SPAG16: variants seen among roughly 807,000 people sequenced by gnomAD.
SPAG16 encodes sperm associated antigen 16.
In SPAG16, 86 loss-of-function variants were observed where a neutral mutation model predicts 80.4. The ratio of observed to expected loss-of-function variants is 1.07; its 90% CI spans 0.90 to 1.28. SPAG16 has a LOEUF of 1.28. Among genes scored for constraint, SPAG16 ranks in the 50% most tolerant of loss-of-function variants. The probability of loss-of-function intolerance (pLI) is 0.00; values close to 1 mark genes in which losing one functional copy is unlikely to be tolerated. For synonymous variants in SPAG16, 294 were observed against 265.9 expected, an observed-to-expected ratio of 1.11 and a Z score of -1.03; for missense variants, 870 against 765.3, an observed-to-expected ratio of 1.14 and a Z score of -1.61.
At chr2:213,466,646 C>T (rs1431449064) in intron 9 of SPAG16, among the ~76,000 whole-genome samples, 1 of 152,198 alleles carries the variant, frequency 6.6e-6, no homozygotes, top group Non-Finnish European at 1.5e-5. Flanking sequence ...TGAAGTCTGA[C>T]AGAGCTGAGT....
At chr2:213,433,635 G>C (rs1216307146) in intron 9 of SPAG16, among the ~76,000 whole-genome samples, 2 of 152,078 alleles carry the variant, frequency 1.3e-5, no homozygotes, top group African/African-American at 4.8e-5. Context: ...CCATGCTCAT[G>C]GAGTGGAAAA....
Position 214,035,226 on chromosome 2 carries a change from AT to A in SPAG16, c.1527+21151del, listed in dbSNP as rs547450445. Among the ~76,000 whole-genome samples the A allele has an allele frequency of 6.7e-3, 1,020 of 152,146 alleles. 10 individuals are homozygous for A. The highest frequency in any genetic ancestry group is 0.012 in the Non-Finnish European group (837 of 67,976). ...CTCAGAGGGGAGGAAGTGCACACTGATTAATCTATGAGCAGCCTGAATAAAG... is the reference window on the plus strand; with the variant it reads ...CTCAGAGGGGAGGAAGTGCACACTGATAATCTATGAGCAGCCTGAATAAAG... On this transcript the variant is annotated intron_variant, in intron 13 of 15. Coordinates refer to ENST00000331683, the MANE Select transcript of SPAG16 (RefSeq NM_024532.5).
intron 15 of SPAG16, among the ~76,000 whole-genome samples, chr2:214,387,062 T>A (rs1361771406): frequency 6.6e-6 from 1 of 152,154 alleles, no homozygotes; most frequent in African/African-American, 2.4e-5. Context: ...TACTTCCTTC[T>A]ACCCAGATTG....
At chr2:214,207,805 G>T (rs1223451082) in intron 15 of SPAG16, among the ~76,000 whole-genome samples, 1 of 152,186 alleles carries the variant, frequency 6.6e-6, no homozygotes, top group Non-Finnish European at 1.5e-5. Context: ...AGAGAAGAAG[G>T]TATGACAAGC....
intron 10 of SPAG16, among the ~76,000 whole-genome samples, chr2:213,727,392 G>T (rs766834221): frequency 6.6e-6 from 1 of 152,102 alleles, no homozygotes; most frequent in Admixed American, 6.5e-5. Flanking sequence ...AATCAATGGA[G>T]TGTGACAGGA....
At chr2:213,391,138 C>T (rs1021942133) in intron 9 of SPAG16, among the ~76,000 whole-genome samples, 4 of 151,990 alleles carry the variant, frequency 2.6e-5, no homozygotes, top group South Asian at 2.1e-4. Flanking sequence ...CATGGTGGCA[C>T]GTGCCTGTAA....
At chr2:214,217,866 G>A (rs2058470512) in intron 15 of SPAG16, among the ~76,000 whole-genome samples, 1 of 152,188 alleles carries the variant, frequency 6.6e-6, no homozygotes, top group African/African-American at 2.4e-5. Context: ...AAGTGCTTTT[G>A]TAGCTGCTTC....
rs146536042 is a variant in SPAG16 at position 213,466,936 on chromosome 2, A to G, written c.943-23027A>G. ...AAACAAATATTGAGAGGCAGGGTAT[A>G]GTGGTATGTAGAAAAAGGCATTCTT... On this transcript the variant is annotated intron_variant, in intron 9 of 15. Transcript: ENST00000331683. Among the ~76,000 whole-genome samples, 20 of 152,278 alleles carry G rather than the reference A, an allele frequency of 1.3e-4. No homozygotes were observed. In the East Asian group the frequency reaches 1.9e-3, roughly 15 times the overall value.
At chr2:213,668,671 G>C (rs143642366) in intron 10 of SPAG16, among the ~76,000 whole-genome samples, 7 of 151,972 alleles carry the variant, frequency 4.6e-5, no homozygotes, top group African/African-American at 1.4e-4. Flanking sequence ...ATGGAGTCTT[G>C]CTCTGTCACC....
At chr2:214,253,224 T>G (rs572349117) in intron 15 of SPAG16, among the ~76,000 whole-genome samples, 22 of 152,096 alleles carry the variant, frequency 1.4e-4, no homozygotes, top group African/African-American at 5.3e-4. Context: ...AATGGGTAGA[T>G]TGAAAAAATA....
chr2:214,335,754 T>C (rs1237930089), intron 15 of SPAG16, among the ~76,000 whole-genome samples: 1 of 109,542 alleles, frequency 9.1e-6, no homozygotes, highest in African/African-American at 3.0e-5. Flanking sequence ...TTATTAGGAT[T>C]CTTTTTTTTT....
chr2:213,576,424 A>G (rs1429053614), intron 10 of SPAG16, among the ~76,000 whole-genome samples: 1 of 152,126 alleles, frequency 6.6e-6, no homozygotes, highest in African/African-American at 2.4e-5. Context: ...GCAACTCCTT[A>G]AAGACCTAAG....
At chr2:213,786,928 G>A (rs947927442) in intron 10 of SPAG16, among the ~76,000 whole-genome samples, 10 of 151,952 alleles carry the variant, frequency 6.6e-5, no homozygotes, top group African/African-American at 2.4e-4. Context: ...AATTTCATGT[G>A]GAAAGTGATA....
intron 10 of SPAG16, among the ~76,000 whole-genome samples, chr2:213,821,746 T>C (rs1469591417): frequency 6.6e-6 from 1 of 152,180 alleles, no homozygotes; most frequent in Non-Finnish European, 1.5e-5. Context: ...TTCTACTATC[T>C]GTCTACAAGA....
chr2:213,298,950 T>C (rs553396719), intron 3 of SPAG16, among the ~76,000 whole-genome samples: 2 of 152,346 alleles, frequency 1.3e-5, no homozygotes, highest in South Asian at 4.1e-4. Flanking sequence ...ATATTAGTTA[T>C]ATTTTTTAAT....
chr2:213,774,548 T>G (rs2069453088), intron 10 of SPAG16, among the ~76,000 whole-genome samples: 1 of 152,224 alleles, frequency 6.6e-6, no homozygotes, highest in African/African-American at 2.4e-5. Flanking sequence ...ATGGTGTTAT[T>G]TCCAAATAAG....
chr2:214,335,822 A>C (rs1413042979), intron 15 of SPAG16, among the ~76,000 whole-genome samples: 3 of 139,970 alleles, frequency 2.1e-5, no homozygotes, highest in Admixed American at 7.8e-5. Context: ...GCAGTGGCAC[A>C]ATCTCGGCTC....
chr2:214,285,516 C>A (rs1179828821), intron 15 of SPAG16, among the ~76,000 whole-genome samples: 1 of 152,098 alleles, frequency 6.6e-6, no homozygotes, highest in Non-Finnish European at 1.5e-5. Flanking sequence ...TACTTAACTA[C>A]TAAAACTGCT....
intron 15 of SPAG16, among the ~76,000 whole-genome samples, chr2:214,223,734 A>C (rs1256915153): frequency 6.6e-6 from 1 of 152,202 alleles, no homozygotes; most frequent in East Asian, 1.9e-4. Flanking sequence ...ATACTGTACC[A>C]GAGATATAAA....
Sources: allele counts gnomAD v4.1 joint callset (sites outside exome capture counted in the v4.1 genomes callset), GRCh38; gene constraint gnomAD v4.1.1; transcripts MANE v1.5; gene names NCBI Gene and HGNC (gene_info 2026-07-23, HGNC 2026-07-21).